UBE2E3: variants seen among roughly 807,000 people sequenced by gnomAD.
UBE2E3 encodes the protein ubiquitin-conjugating enzyme E2 E3.
Under a neutral mutation model 23.6 loss-of-function variants are expected in UBE2E3, and 5 were observed. The observed-to-expected ratio is 0.21, with a 90% CI of 0.11 to 0.44. The LOEUF (loss-of-function observed/expected upper bound fraction) is 0.44, where lower values mean the gene tolerates loss of function less well. Ranked by LOEUF, UBE2E3 falls within the 20% of genes least tolerant of loss-of-function variation. UBE2E3 has a pLI of 0.99. For missense variants in UBE2E3, 81 were observed against 249.8 expected, an observed-to-expected ratio of 0.32 and a Z score of 4.55; for synonymous variants, 78 against 87.5, an observed-to-expected ratio of 0.89 and a Z score of 0.60.
In UBE2E3 at chr2:180,982,229, G is replaced by A; in HGVS notation, c.187G>A (p.Ala63Thr). The A allele has an allele frequency of 6.2e-7, 1 of 1,611,864 alleles. No individual in the cohort carries two copies. The highest frequency in any genetic ancestry group is 8.5e-7 in the Non-Finnish European group (1 of 1,179,156). ...AACCACTGCTAAGTTATCCACTAGT[G>A]CTAAAAGGTAATGTGTAAAAGAAGG... ...SKTTAKLSTS[A>T]KRIQKELAEI... Residue 63 changes from alanine (A) to threonine (T), a missense_variant, in exon 2 of 6, where the codon GCT becomes ACT. Ala to Thr is a moderately conservative substitution (Grantham distance 58, BLOSUM62 0). Transcript: ENST00000410062.
chr2:181,007,219 C>G (rs1471738315), intron 3 of UBE2E3, among the ~76,000 whole-genome samples: 1 of 152,144 alleles, frequency 6.6e-6, no homozygotes, highest in Non-Finnish European at 1.5e-5. Context: ...TTTGAGTAAG[C>G]TGAGAGAAAG....
intron 3 of UBE2E3, among the ~76,000 whole-genome samples, chr2:181,021,594 C>CCTCCCTCCCTCCCTCCCTTCCTT (rs1685690264): frequency 1.1e-5 from 1 of 92,070 alleles, no homozygotes; most frequent in Non-Finnish European, 2.1e-5. Flanking sequence ...CTTCCTTCCT[C>CCTCCCTCCCTCCCTCCCTTCCTT]CCTCCCTTCC....
chr2:181,018,152 G>A (rs10167839), intron 3 of UBE2E3, among the ~76,000 whole-genome samples: 59,102 of 151,584 alleles, frequency 0.39, 12,250 homozygotes, highest in African/African-American at 0.54. Context: ...ACTGCTGGCT[G>A]TCTTCTAAAA....
chr2:181,037,984 G>C (rs1012302378), intron 3 of UBE2E3, among the ~76,000 whole-genome samples: 1 of 152,144 alleles, frequency 6.6e-6, no homozygotes, highest in Non-Finnish European at 1.5e-5. Flanking sequence ...CAAAATAAAA[G>C]TTATAGTAAG....
intron 3 of UBE2E3, among the ~76,000 whole-genome samples, chr2:181,043,777 A>G (rs1686588027): frequency 2.0e-5 from 3 of 152,134 alleles, no homozygotes; most frequent in Non-Finnish European, 4.4e-5. Flanking sequence ...ACTGGTGTGT[A>G]TGTATAGTTT....
Position 181,048,429 on chromosome 2 carries a change from A to C in UBE2E3, c.246-9264A>C, listed in dbSNP as rs13008461. On this transcript the variant is annotated intron_variant, in intron 3 of 5. Transcript: ENST00000410062. ...AAGCTTAAATACTTTTTTTGATTCA[A>C]AGTAAATTCATAGGTTCACAAGGCA... Among the ~76,000 whole-genome samples the C allele has an allele frequency of 4.7e-3, 714 of 152,244 alleles. 6 individuals are homozygous for C. Among genetic ancestry groups the C allele is most frequent in the Non-Finnish European group, 8.1e-3 (553 of 67,996 alleles).
At chr2:181,017,899 G>C (rs1685545853) in intron 3 of UBE2E3, among the ~76,000 whole-genome samples, 1 of 151,006 alleles carries the variant, frequency 6.6e-6, no homozygotes, top group Non-Finnish European at 1.5e-5. Context: ...TTTTTGGTTA[G>C]AGGAATCCCA....
intron 3 of UBE2E3, among the ~76,000 whole-genome samples, chr2:181,043,793 T>C (rs1686588342): frequency 6.6e-6 from 1 of 152,174 alleles, no homozygotes; most frequent in African/African-American, 2.4e-5. Context: ...AGTTTTGTGA[T>C]CTACTCTTCT....
At chr2:181,027,649 C>T (rs1685939103) in intron 3 of UBE2E3, among the ~76,000 whole-genome samples, 1 of 151,816 alleles carries the variant, frequency 6.6e-6, no homozygotes, top group African/African-American at 2.4e-5. Context: ...AGCAAGAGTG[C>T]TGCAGCATGT....
intron 3 of UBE2E3, among the ~76,000 whole-genome samples, chr2:181,041,840 G>A (rs1451115345): frequency 1.3e-5 from 2 of 152,178 alleles, no homozygotes; most frequent in East Asian, 1.9e-4. Context: ...AGGAGGCAGC[G>A]TGGTCTGGAA....
intron 3 of UBE2E3, among the ~76,000 whole-genome samples, chr2:181,030,472 C>T (rs547213950): frequency 1.2e-4 from 18 of 152,058 alleles, no homozygotes; most frequent in African/African-American, 4.1e-4. Flanking sequence ...TATGAACAGT[C>T]TTGGATATGA....
chr2:181,011,438 A>T (rs953023940), intron 3 of UBE2E3, among the ~76,000 whole-genome samples: 2 of 152,050 alleles, frequency 1.3e-5, no homozygotes, highest in Non-Finnish European at 2.9e-5. Context: ...CAGCCCAGTT[A>T]CCTCTCAGAG....
intron 3 of UBE2E3, among the ~76,000 whole-genome samples, chr2:181,026,169 AC>A (rs1367220127): frequency 6.6e-6 from 1 of 151,830 alleles, no homozygotes; most frequent in Non-Finnish European, 1.5e-5. Flanking sequence ...ACACACTGAA[AC>A]CCTTTGGAGG....
chr2:181,060,519 A>C, intron 4 of UBE2E3, 146 bp from the exon 5 acceptor site: 1 of 915,982 alleles, frequency 1.1e-6, no homozygotes, highest in East Asian at 3.1e-5. Flanking sequence ...AAAAGCATTT[A>C]ATTTTGTTAT....
chr2:181,003,583 T>C (rs891765067), intron 3 of UBE2E3, among the ~76,000 whole-genome samples: 7 of 152,240 alleles, frequency 4.6e-5, no homozygotes, highest in Non-Finnish European at 1.0e-4. Flanking sequence ...ACTCAGTACC[T>C]GAATGTCATA....
At chr2:181,025,862 C>CTT (rs1477579268) in intron 3 of UBE2E3, among the ~76,000 whole-genome samples, 1 of 151,906 alleles carries the variant, frequency 6.6e-6, no homozygotes, top group African/African-American at 2.4e-5. Flanking sequence ...TTAAAACTCT[C>CTT]TAAGATAGCT....
intron 3 of UBE2E3, among the ~76,000 whole-genome samples, chr2:180,998,490 A>G (rs1308295511): frequency 1.3e-5 from 2 of 150,622 alleles, no homozygotes; most frequent in Non-Finnish European, 2.9e-5. Context: ...GATGAAATTC[A>G]TTTATCCTCT....
At chr2:181,001,098 C>CATT (rs1468854797) in intron 3 of UBE2E3, among the ~76,000 whole-genome samples, 54 of 152,198 alleles carry the variant, frequency 3.5e-4, no homozygotes, top group Non-Finnish European at 8.8e-5. Flanking sequence ...GGACAATTTG[C>CATT]ATTACTTGGA....
In UBE2E3 at chr2:181,014,762, GAT is replaced by G. The variant is rs529207424; in HGVS notation, c.245+30674_245+30675del. ...TTATACATGTTTTTGAGATACATGT[GAT>G]ATATGATACCTTTATATGATGTATA... On this transcript the variant is annotated intron_variant, in intron 3 of 5. Coordinates refer to ENST00000410062, the MANE Select transcript of UBE2E3 (RefSeq NM_006357.4). 2.3e-3 allele frequency among the ~76,000 whole-genome samples: 353 copies of G among 152,204 alleles called. 1 individual carries two copies. The highest frequency in any genetic ancestry group is 8.2e-3 in the African/African-American group (342 of 41,522).
Sources: allele counts gnomAD v4.1 joint callset (sites outside exome capture counted in the v4.1 genomes callset), GRCh38; gene constraint gnomAD v4.1.1; transcripts MANE v1.5; gene names NCBI Gene and HGNC (gene_info 2026-07-23, HGNC 2026-07-21).